RARB: variants seen among roughly 807,000 people sequenced by gnomAD.
RARB encodes the protein HBV-activated protein.
In RARB, 17 loss-of-function variants were observed where a neutral mutation model predicts 51.9. The observed-to-expected ratio is 0.33, with a 90% confidence interval of 0.22 to 0.49. The LOEUF (loss-of-function observed/expected upper bound fraction) is 0.49, where lower values mean the gene tolerates loss of function less well. Ranked by LOEUF, RARB falls within the 20% of genes least tolerant of loss-of-function variation. The pLI, the probability that RARB is intolerant of heterozygous loss-of-function variation, is 0.99. For synonymous variants in RARB, 215 were observed against 195.4 expected (o/e 1.10, Z -0.84); for missense variants, 369 against 550.8 (o/e 0.67, Z 3.30).
intron 5 of RARB, among the ~76,000 whole-genome samples, chr3:25,194,545 T>C (rs1225697806): frequency 6.6e-6 from 1 of 150,742 alleles, no homozygotes; most frequent in East Asian, 2.0e-4. Context: ...AATGTATATA[T>C]CATGTTGTAC....
chr3:25,338,181 A>G (rs927587048), intron 5 of RARB, among the ~76,000 whole-genome samples: 1 of 151,922 alleles, frequency 6.6e-6, no homozygotes, highest in African/African-American at 2.4e-5. Context: ...GAAACTCATG[A>G]GCTACATTTT....
At chr3:25,019,365 G>A (rs1240591283) in intron 2 of RARB, among the ~76,000 whole-genome samples, 1 of 152,184 alleles carries the variant, frequency 6.6e-6, no homozygotes, top group Non-Finnish European at 1.5e-5. Context: ...GGTGTGATAT[G>A]ATAGACAAAG....
chr3:25,588,825 T>C (rs1398305797), intron 5 of RARB, among the ~76,000 whole-genome samples: 1 of 152,174 alleles, frequency 6.6e-6, no homozygotes, highest in Non-Finnish European at 1.5e-5. Flanking sequence ...CCTCTTGAAA[T>C]GTCAGCTAGC....
chr3:25,246,489 C>T (rs377727685), intron 5 of RARB, among the ~76,000 whole-genome samples: 9 of 152,036 alleles, frequency 5.9e-5, no homozygotes, highest in African/African-American at 1.7e-4. Context: ...TCTTGATCTT[C>T]GGATGGAGTT....
intron 5 of RARB, among the ~76,000 whole-genome samples, chr3:25,276,865 T>C (rs1347164648): frequency 6.6e-6 from 1 of 152,192 alleles, no homozygotes; most frequent in African/African-American, 2.4e-5. Flanking sequence ...TAATACGGTA[T>C]ATATTGGCAG....
At chr3:25,308,448 CTTTTT>C (rs549224085) in intron 5 of RARB, among the ~76,000 whole-genome samples, 3 of 130,746 alleles carry the variant, frequency 2.3e-5, no homozygotes, top group Non-Finnish European at 3.2e-5. Flanking sequence ...TTCTTTCTTT[CTTTTT>C]TTTTTTTTTT....
intron 2 of RARB, among the ~76,000 whole-genome samples, chr3:25,472,810 G>C (rs1695762480): frequency 6.6e-6 from 1 of 152,196 alleles, no homozygotes; most frequent in Non-Finnish European, 1.5e-5. Context: ...AATAGAGGTA[G>C]ACCTTTATCA....
intron 2 of RARB, among the ~76,000 whole-genome samples, chr3:25,007,405 C>T (rs958001378): frequency 4.6e-5 from 7 of 151,736 alleles, no homozygotes; most frequent in Non-Finnish European, 1.0e-4. Flanking sequence ...GTGGGTGGAT[C>T]ACTTGAGGTC....
intron 2 of RARB, among the ~76,000 whole-genome samples, chr3:24,897,943 A>C (rs182695341): frequency 6.6e-6 from 1 of 152,306 alleles, no homozygotes; most frequent in Admixed American, 6.5e-5. Context: ...TCCCAGAAGC[A>C]TCTCGTGGAA....
At chr3:24,874,036 A>AT (rs577171893) in intron 2 of RARB, among the ~76,000 whole-genome samples, 424 of 152,230 alleles carry the variant, frequency 2.8e-3, no homozygotes, top group African/African-American at 9.9e-3. Context: ...TGTGTTAGGT[A>AT]TTATAAGTAA....
intron 2 of RARB, among the ~76,000 whole-genome samples, chr3:24,883,338 C>A (rs1023896564): frequency 1.8e-4 from 26 of 143,486 alleles, no homozygotes; most frequent in Non-Finnish European, 1.8e-4. Flanking sequence ...ATGTTTGAAG[C>A]CAGACTTTCA....
At chr3:24,920,340 A>C (rs547396598) in intron 2 of RARB, among the ~76,000 whole-genome samples, 211 of 152,330 alleles carry the variant, frequency 1.4e-3, no homozygotes, top group African/African-American at 4.9e-3. Context: ...ATGGTATTGC[A>C]ACCAGCTCAG....
chr3:25,211,372 T>A (rs189703671), intron 5 of RARB, among the ~76,000 whole-genome samples: 153 of 152,300 alleles, frequency 1.0e-3, no homozygotes, highest in African/African-American at 3.5e-3. Flanking sequence ...CAGGAAAGAA[T>A]GTTTTTAGAA....
chr3:25,282,835 T>A (rs1703558933), intron 5 of RARB, among the ~76,000 whole-genome samples: 1 of 152,168 alleles, frequency 6.6e-6, no homozygotes, highest in Non-Finnish European at 1.5e-5. Flanking sequence ...CTCGTAAGCC[T>A]TGGATACCCG....
intron 3 of RARB, among the ~76,000 whole-genome samples, chr3:25,122,675 G>T (rs1242661436): frequency 6.6e-6 from 1 of 152,098 alleles, no homozygotes; most frequent in Non-Finnish European, 1.5e-5. Context: ...TGGTTAAATG[G>T]TCTTAAGTCA....
chr3:25,139,818 G>A (rs1020452932), intron 4 of RARB, among the ~76,000 whole-genome samples: 6 of 152,092 alleles, frequency 3.9e-5, no homozygotes, highest in Non-Finnish European at 7.4e-5. Flanking sequence ...CTTTTTAGGG[G>A]CTAATGCAGC....
chr3:25,500,342 A>T (rs993986033), intron 2 of RARB, among the ~76,000 whole-genome samples: 2 of 151,918 alleles, frequency 1.3e-5, no homozygotes, highest in African/African-American at 2.4e-5. Flanking sequence ...TAATTTTTTT[A>T]AATTGTATTT....
At chr3:24,979,552 A>G (rs576847540) in intron 2 of RARB, among the ~76,000 whole-genome samples, 20 of 149,580 alleles carry the variant, frequency 1.3e-4, no homozygotes, top group Non-Finnish European at 2.2e-4. Flanking sequence ...AGAGGCCAGG[A>G]TTGCAACTCC....
chr3:24,922,462 C>A (rs775464720), intron 2 of RARB, among the ~76,000 whole-genome samples: 7 of 152,098 alleles, frequency 4.6e-5, no homozygotes, highest in Non-Finnish European at 8.8e-5. Context: ...TCACAGCAGT[C>A]GTAGGCCGTA....
Sources: allele counts gnomAD v4.1 joint callset (sites outside exome capture counted in the v4.1 genomes callset), GRCh38; gene constraint gnomAD v4.1.1; transcripts MANE v1.5; gene names NCBI Gene and HGNC (gene_info 2026-07-23, HGNC 2026-07-21).